The following RALGPS2 variants were observed in gnomAD, a reference collection of about 807,000 sequenced individuals.
The protein encoded by RALGPS2 is Ral GEF with PH domain and SH3 binding motif 2.
Under a neutral mutation model 86.8 loss-of-function variants are expected in RALGPS2, and 43 were observed. The ratio of observed to expected loss-of-function variants is 0.50; its 90% CI spans 0.39 to 0.64. The LOEUF is 0.64. Ranked by LOEUF, RALGPS2 falls within the 30% of genes least tolerant of loss-of-function variation. The pLI, the probability that RALGPS2 is intolerant of heterozygous loss-of-function variation, is 0.00. For missense variants in RALGPS2, 536 were observed against 694.6 expected (o/e 0.77, Z 2.57); for synonymous variants, 243 against 231.3 (o/e 1.05, Z -0.46).
intron 18 of RALGPS2, among the ~76,000 whole-genome samples, chr1:178,902,914 T>C (rs1337604366): frequency 6.6e-6 from 1 of 152,164 alleles, no homozygotes; most frequent in Non-Finnish European, 1.5e-5. Context: ...GAGACACTTA[T>C]GAATAAAATA....
chr1:178,852,459 G>A (rs1657236666), intron 8 of RALGPS2, among the ~76,000 whole-genome samples: 1 of 152,050 alleles, frequency 6.6e-6, no homozygotes, highest in Admixed American at 6.6e-5. Flanking sequence ...GTTTTGCTTT[G>A]TGTTTTTTTC....
chr1:178,783,451 T>A (rs1164001497), intron 2 of RALGPS2, among the ~76,000 whole-genome samples: 2 of 152,112 alleles, frequency 1.3e-5, no homozygotes, highest in African/African-American at 4.8e-5. Flanking sequence ...ATATTTGAAG[T>A]AATAATAGTT....
chr1:178,881,874 G>T (rs1241950901), intron 10 of RALGPS2, among the ~76,000 whole-genome samples: 1 of 152,010 alleles, frequency 6.6e-6, no homozygotes, highest in African/African-American at 2.4e-5. Flanking sequence ...ACATTTTTTA[G>T]AAAAAATGCC....
chr1:178,751,904 A>G (rs374481381), intron 1 of RALGPS2, among the ~76,000 whole-genome samples: 1 of 152,228 alleles, frequency 6.6e-6, no homozygotes, highest in Non-Finnish European at 1.5e-5. Context: ...GATCTTTACT[A>G]TTAGAGCAAA....
At chr1:178,859,467 G>T (rs1168971476) in intron 8 of RALGPS2, among the ~76,000 whole-genome samples, 8 of 137,386 alleles carry the variant, frequency 5.8e-5, no homozygotes, top group African/African-American at 2.2e-4. Flanking sequence ...GCAGTGTCAC[G>T]ATCTCGGCTC....
At chr1:178,811,204 C>T in intron 5 of RALGPS2, 111 bp from the exon 6 acceptor site, 1 of 668,532 alleles carries the variant, frequency 1.5e-6, no homozygotes, top group Non-Finnish European at 2.4e-6. Flanking sequence ...GCACCTTTAA[C>T]AATGTTTAAT....
chr1:178,736,057 T>C (rs887985929), intron 1 of RALGPS2, among the ~76,000 whole-genome samples: 7 of 152,154 alleles, frequency 4.6e-5, no homozygotes, highest in African/African-American at 1.7e-4. Flanking sequence ...TCGCTTATGG[T>C]GTACATGTTT....
chr1:178,735,058 G>A (rs1374235867), intron 1 of RALGPS2, among the ~76,000 whole-genome samples: 1 of 152,110 alleles, frequency 6.6e-6, no homozygotes, highest in East Asian at 1.9e-4. Context: ...GCAGCTTCGT[G>A]ATCACTTCCA....
chr1:178,862,474 T>A (rs1658094576), intron 8 of RALGPS2, among the ~76,000 whole-genome samples: 1 of 152,146 alleles, frequency 6.6e-6, no homozygotes, highest in Admixed American at 6.5e-5. Flanking sequence ...ATTGATAATT[T>A]AAGAGGGACT....
rs112111828 is a variant in RALGPS2, at chr1:178,909,429, TC to T, written c.1722+2565del. Among the ~76,000 whole-genome samples the T allele has an allele frequency of 1.3e-3, 197 of 151,228 alleles. 1 individual carries two copies. The highest frequency in any genetic ancestry group is 4.3e-3 in the African/African-American group (176 of 40,658). ...TTGTTGTTGTTGTTGTTGTTGTTGTTCCCATATGAATTTTCTAATGGTTTTT... is the reference window on the plus strand; with the variant it reads ...TTGTTGTTGTTGTTGTTGTTGTTGTTCCATATGAATTTTCTAATGGTTTTT... On this transcript the variant is annotated intron_variant, in intron 19 of 19. Transcript: ENST00000367635.
intron 8 of RALGPS2, among the ~76,000 whole-genome samples, chr1:178,860,884 A>G (rs78513193): frequency 0.025 from 3,738 of 152,308 alleles, 151 homozygotes; most frequent in African/African-American, 0.085. Flanking sequence ...GCAAGCACCT[A>G]AACAGCCTGA....
chr1:178,914,524 ACT>A (rs956405459), intron 19 of RALGPS2, among the ~76,000 whole-genome samples: 2 of 150,908 alleles, frequency 1.3e-5, no homozygotes, highest in Non-Finnish European at 2.9e-5. Flanking sequence ...CTCTCCACCC[ACT>A]CTCAGAAAAT....
intron 7 of RALGPS2, among the ~76,000 whole-genome samples, chr1:178,826,879 T>C (rs1157556078): frequency 6.6e-6 from 1 of 152,174 alleles, no homozygotes; most frequent in Non-Finnish European, 1.5e-5. Context: ...TATAAAACTT[T>C]ACAGGAAGTC....
rs566662434 is a variant in RALGPS2 at position 178,865,431 on chromosome 1, C to T, written c.608-12067C>T. On this transcript the variant is annotated intron_variant, in intron 8 of 19. Transcript: ENST00000367635. ...CGGCTTTCCTTTCTCAGCAGCTTTA[C>T]CTCATTCACAATGTTTCCATCTACA... is the stretch of plus-strand genomic sequence containing the variant. 8 of 1,614,010 alleles carry T rather than the reference C, an allele frequency of 5.0e-6. No homozygotes were observed. The African/African-American group carries it at 9.3e-5, about 19-fold the overall frequency.
At chr1:178,822,887 A>G (rs1655572095) in intron 7 of RALGPS2, among the ~76,000 whole-genome samples, 1 of 152,176 alleles carries the variant, frequency 6.6e-6, no homozygotes, top group South Asian at 2.1e-4. Flanking sequence ...TAGCACGATC[A>G]TAGCTTACTG....
At chr1:178,866,512 T>C (rs1202047188) in intron 8 of RALGPS2, among the ~76,000 whole-genome samples, 1 of 152,196 alleles carries the variant, frequency 6.6e-6, no homozygotes, top group Non-Finnish European at 1.5e-5. Context: ...TTATATGTAC[T>C]CTGAGCTTAT....
intron 1 of RALGPS2, among the ~76,000 whole-genome samples, chr1:178,743,355 G>A (rs1180472373): frequency 6.6e-6 from 1 of 152,166 alleles, no homozygotes; most frequent in Non-Finnish European, 1.5e-5. Context: ...TAGAGGAAGA[G>A]CAGATTAAAG....
intron 8 of RALGPS2, chr1:178,865,432 C>A (rs1461083217): frequency 6.2e-7 from 1 of 1,614,006 alleles, no homozygotes; most frequent in South Asian, 1.1e-5. Context: ...GCAGCTTTAC[C>A]TCATTCACAA....
Position 178,856,196 on chromosome 1 carries a change from GAGAGAGATATATAT to G in RALGPS2, c.608-21300_608-21287del, listed in dbSNP as rs1444975443. 1.2e-4 allele frequency among the ~76,000 whole-genome samples: 5 copies of G among 41,054 alleles called. 1 individual carries two copies. Among genetic ancestry groups the G allele is most frequent in the African/African-American group, 5.2e-4 (5 of 9,658 alleles). The allele number at this position is 41,054 out of a possible 152,430, so 26.9% of individuals were successfully genotyped here. On this transcript the variant is annotated intron_variant, in intron 8 of 19. Transcript: ENST00000367635. ...TGTGTTACCTGTACTTTTCCAGAGA[GAGAGAGATATATAT>G]ATATATATATATATATATATATATG...
Sources: gnomAD v4.1 joint callset for allele counts (sites outside exome capture counted in the v4.1 genomes callset) on GRCh38, gnomAD v4.1.1 for gene constraint, MANE v1.5 for transcripts, NCBI Gene and HGNC (gene_info 2026-07-23, HGNC 2026-07-21) for gene names.